Variants in FAM135B observed in about 807,000 individuals in gnomAD.
FAM135B encodes the protein protein FAM135B.
Under a neutral mutation model 127.7 loss-of-function variants are expected in FAM135B, and 43 were observed. The observed-to-expected ratio is 0.34, with a 90% confidence interval of 0.26 to 0.43. The LOEUF (loss-of-function observed/expected upper bound fraction) is 0.43, where lower values mean the gene tolerates loss of function less well. FAM135B is among the 20% of genes least tolerant of loss of function. The probability of loss-of-function intolerance (pLI) is 1.00; values close to 1 mark genes in which losing one functional copy is unlikely to be tolerated. For synonymous variants in FAM135B, 670 were observed against 665.1 expected (o/e 1.01, Z -0.11); for missense variants, 1,558 against 1,725.6 (o/e 0.90, Z 1.72).
Position 138,490,941 on chromosome 8 carries a change from G to A in FAM135B, c.-20+5730C>T, listed in dbSNP as rs564091899. On this transcript the variant is annotated intron_variant, in intron 1 of 19. Transcript: ENST00000395297. ...GTGGATCACTTGAGGTCAAGAGTTC[G>A]AGACCAGCCTGACCAACGTGGTGAA... Among the ~76,000 whole-genome samples, 233 of 152,096 alleles carry A rather than the reference G, an allele frequency of 1.5e-3. 2 individuals carry two copies. The highest frequency in any genetic ancestry group is 4.9e-3 in the African/African-American group (203 of 41,510).
At chr8:138,257,190 C>T (rs1822159048) in intron 4 of FAM135B, among the ~76,000 whole-genome samples, 1 of 152,172 alleles carries the variant, frequency 6.6e-6, no homozygotes, top group African/African-American at 2.4e-5. Flanking sequence ...AATGTCATCT[C>T]TAACCCTCAG....
chr8:138,196,023 C>T (rs1347893026), intron 8 of FAM135B, among the ~76,000 whole-genome samples: 4 of 152,150 alleles, frequency 2.6e-5, no homozygotes, highest in African/African-American at 9.7e-5. Flanking sequence ...TCTACTTCAC[C>T]GCTGACCTCA....
At chr8:138,396,676 A>C (rs918162713) in intron 1 of FAM135B, among the ~76,000 whole-genome samples, 2 of 152,144 alleles carry the variant, frequency 1.3e-5, no homozygotes, top group Non-Finnish European at 2.9e-5. Flanking sequence ...GTGCCTAATA[A>C]TTGGGATGCA....
chr8:138,492,045 C>T (rs1216158764), intron 1 of FAM135B, among the ~76,000 whole-genome samples: 9 of 152,078 alleles, frequency 5.9e-5, no homozygotes, highest in Admixed American at 5.9e-4. Context: ...TAGAAAACCA[C>T]AAAAGGGCTT....
intron 12 of FAM135B, among the ~76,000 whole-genome samples, chr8:138,159,545 A>G (rs1370137520): frequency 6.8e-6 from 1 of 147,392 alleles, no homozygotes; most frequent in Admixed American, 6.8e-5. Context: ...ATAGATAGGA[A>G]TTGAACAATG....
At chr8:138,411,183 T>C (rs908830597) in intron 1 of FAM135B, among the ~76,000 whole-genome samples, 2 of 151,540 alleles carry the variant, frequency 1.3e-5, no homozygotes, top group Admixed American at 6.6e-5. Context: ...CGTCACCAAG[T>C]CAATCCTAAG....
intron 3 of FAM135B, among the ~76,000 whole-genome samples, chr8:138,305,541 A>G (rs1361286463): frequency 6.6e-6 from 1 of 152,266 alleles, no homozygotes; most frequent in Non-Finnish European, 1.5e-5. Flanking sequence ...AAAAGAAAAA[A>G]ACAAATCTGA....
intron 1 of FAM135B, among the ~76,000 whole-genome samples, chr8:138,468,244 GC>G (rs1837478324): frequency 6.6e-6 from 1 of 151,998 alleles, no homozygotes; most frequent in African/African-American, 2.4e-5. Context: ...AGCCCTTTTT[GC>G]TATCCTTACC....
chr8:138,275,886 T>C (rs1405365906), intron 3 of FAM135B, among the ~76,000 whole-genome samples: 2 of 152,104 alleles, frequency 1.3e-5, no homozygotes, highest in African/African-American at 4.8e-5. Context: ...CAAATATTTA[T>C]AGAATGCATG....
intron 3 of FAM135B, among the ~76,000 whole-genome samples, chr8:138,296,386 G>A (rs180817539): frequency 3.9e-5 from 6 of 152,246 alleles, no homozygotes; most frequent in South Asian, 2.1e-4. Flanking sequence ...CTGAGTCCCC[G>A]GTGCTGGGCT....
chr8:138,183,644 C>T (rs749706882), intron 9 of FAM135B, among the ~76,000 whole-genome samples: 2 of 152,150 alleles, frequency 1.3e-5, no homozygotes, highest in Admixed American at 6.5e-5. Context: ...TTTTTCCTTC[C>T]GATGTTCAAG....
intron 1 of FAM135B, among the ~76,000 whole-genome samples, chr8:138,433,561 AT>A (rs1400714464): frequency 2.6e-5 from 4 of 151,100 alleles, no homozygotes; most frequent in Admixed American, 6.6e-5. Context: ...AAATAAATAA[AT>A]AAATAAAATA....
chr8:138,179,039 A>C (rs1814752811), intron 9 of FAM135B, among the ~76,000 whole-genome samples: 1 of 152,160 alleles, frequency 6.6e-6, no homozygotes, highest in East Asian at 1.9e-4. Flanking sequence ...GCTTACTCTT[A>C]GATTTCCATA....
chr8:138,429,667 T>A (rs915477268), intron 1 of FAM135B, among the ~76,000 whole-genome samples: 2 of 152,190 alleles, frequency 1.3e-5, no homozygotes, highest in East Asian at 3.9e-4. Context: ...TCCAATATGA[T>A]GACTGTGTTT....
intron 3 of FAM135B, 68 bp downstream of exon 3, chr8:138,310,773 C>T (rs2130891665): frequency 1.4e-6 from 2 of 1,422,480 alleles, no homozygotes; most frequent in Non-Finnish European, 2.0e-6. Context: ...CTGCTGTGCC[C>T]TGGCGAGCAG....
At chr8:138,250,768 A>G (rs1586886336) in intron 6 of FAM135B, 73 bp downstream of exon 6, 1 of 1,544,690 alleles carries the variant, frequency 6.5e-7, no homozygotes, top group Admixed American at 1.7e-5. Context: ...CTCCTGGAAA[A>G]CTCCCTGCCC....
At chr8:138,232,701 G>C (rs1049212365) in intron 7 of FAM135B, among the ~76,000 whole-genome samples, 1 of 152,050 alleles carries the variant, frequency 6.6e-6, no homozygotes, top group Non-Finnish European at 1.5e-5. Flanking sequence ...ATGAAGTACA[G>C]TTTTTTAACT....
intron 12 of FAM135B, among the ~76,000 whole-genome samples, chr8:138,162,657 C>T (rs758735396): frequency 1.4e-4 from 21 of 152,250 alleles, no homozygotes; most frequent in Non-Finnish European, 2.1e-4. Context: ...AATGGGACTG[C>T]TGGGGAATAT....
intron 2 of FAM135B, among the ~76,000 whole-genome samples, chr8:138,356,591 T>C (rs1465448397): frequency 1.3e-5 from 2 of 152,154 alleles, no homozygotes; most frequent in South Asian, 2.1e-4. Context: ...GGTGAAGTGA[T>C]TTTTTCAAAT....
Sources: allele counts gnomAD v4.1 joint callset (sites outside exome capture counted in the v4.1 genomes callset), GRCh38; gene constraint gnomAD v4.1.1; transcripts MANE v1.5; gene names NCBI Gene and HGNC (gene_info 2026-07-23, HGNC 2026-07-21).